The following SAMD5 variants were observed in gnomAD, a reference collection of about 807,000 sequenced individuals.
SAMD5 encodes sterile alpha motif domain containing 5.
In SAMD5, 13 loss-of-function variants were observed where a neutral mutation model predicts 11.3. The ratio of observed to expected loss-of-function variants is 1.15; its 90% CI spans 0.75 to 1.83. The LOEUF (loss-of-function observed/expected upper bound fraction) is 1.83, where lower values mean the gene tolerates loss of function less well. SAMD5 is among the 40% of genes most tolerant of loss of function. The pLI is 0.00. For synonymous variants in SAMD5, 129 were observed against 111.3 expected, an observed-to-expected ratio of 1.16 and a Z score of -1.00; for missense variants, 255 against 239.1, an observed-to-expected ratio of 1.07 and a Z score of -0.44.
At chr6:147,721,522 C>T (rs1327665052) in intron 1 of SAMD5, among the ~76,000 whole-genome samples, 3 of 152,150 alleles carry the variant, frequency 2.0e-5, no homozygotes, top group African/African-American at 7.2e-5. Flanking sequence ...TGTTCATATC[C>T]TTTGCCCACT....
the SAMD5 span, among the ~76,000 whole-genome samples, chr6:147,856,183 G>C: frequency 6.6e-6 from 1 of 152,134 alleles, no homozygotes; most frequent in African/African-American, 2.4e-5. Flanking sequence ...ACAAAGATGT[G>C]AGCATATTGT....
At chr6:147,531,560 T>TA (rs1788430452) in intron 1 of SAMD5, among the ~76,000 whole-genome samples, 1 of 152,328 alleles carries the variant, frequency 6.6e-6, no homozygotes, top group East Asian at 1.9e-4. Context: ...GAATGCTCAC[T>TA]GGGACACATT....
the SAMD5 span, among the ~76,000 whole-genome samples, chr6:147,799,687 CCATCACTTT>C: frequency 6.6e-6 from 1 of 151,142 alleles, no homozygotes; most frequent in Non-Finnish European, 1.5e-5. Context: ...TCCATTCTCC[CCATCACTTT>C]CAGGTACACC....
chr6:147,615,318 T>A (rs1789849394), intron 1 of SAMD5, among the ~76,000 whole-genome samples: 1 of 152,206 alleles, frequency 6.6e-6, no homozygotes, highest in Non-Finnish European at 1.5e-5. Context: ...ATATTTCTGG[T>A]TTTTAAAAGC....
At chr6:147,794,822 A>G in the SAMD5 span, among the ~76,000 whole-genome samples, 3 of 152,146 alleles carry the variant, frequency 2.0e-5, no homozygotes, top group Non-Finnish European at 4.4e-5. Context: ...ACAGGTCATT[A>G]TAGGACTCAC....
chr6:147,909,620 C>CTT, the SAMD5 span, among the ~76,000 whole-genome samples: 224 of 67,334 alleles, frequency 3.3e-3, 19 homozygotes, highest in African/African-American at 0.019. Flanking sequence ...TTCTTTCTTT[C>CTT]TTTCTTTCTT....
the SAMD5 span, among the ~76,000 whole-genome samples, chr6:147,776,124 T>C: frequency 6.6e-6 from 1 of 152,186 alleles, no homozygotes; most frequent in Non-Finnish European, 1.5e-5. Context: ...TTCCTAACCT[T>C]GGGGACCACA....
chr6:147,935,262 T>G, the SAMD5 span, among the ~76,000 whole-genome samples: 1 of 152,168 alleles, frequency 6.6e-6, no homozygotes, highest in African/African-American at 2.4e-5. Context: ...TCAGTCAAAC[T>G]GCAGGACTAG....
intron 1 of SAMD5, among the ~76,000 whole-genome samples, chr6:147,599,154 C>T (rs1419065633): frequency 6.6e-6 from 1 of 152,178 alleles, no homozygotes; most frequent in African/African-American, 2.4e-5. Context: ...AAGGCTAGGA[C>T]TTCTGTGACC....
chr6:147,905,105 C>T, the SAMD5 span, among the ~76,000 whole-genome samples: 15 of 152,112 alleles, frequency 9.9e-5, no homozygotes, highest in African/African-American at 2.7e-4. Context: ...TCAGGCTGGT[C>T]TCGAACTCCC....
chr6:147,809,840 A>G, the SAMD5 span, among the ~76,000 whole-genome samples: 2 of 152,228 alleles, frequency 1.3e-5, no homozygotes, highest in African/African-American at 4.8e-5. Context: ...GCTGGACTCC[A>G]TCCCCCAGGA....
At chr6:147,943,103 G>A in the SAMD5 span, among the ~76,000 whole-genome samples, 1 of 152,138 alleles carries the variant, frequency 6.6e-6, no homozygotes, top group Non-Finnish European at 1.5e-5. Flanking sequence ...TTACAGGTGT[G>A]AGCCACCACT....
the SAMD5 span, among the ~76,000 whole-genome samples, chr6:147,756,410 G>A: frequency 5.9e-5 from 9 of 152,000 alleles, no homozygotes; most frequent in Admixed American, 2.6e-4. Context: ...AATACATTAA[G>A]CATTTTGCAT....
the SAMD5 span, among the ~76,000 whole-genome samples, chr6:147,801,223 G>T: frequency 6.6e-6 from 1 of 152,010 alleles, no homozygotes; most frequent in African/African-American, 2.4e-5. Flanking sequence ...CAGAGAAATG[G>T]TTTTACTTTA....
chr6:147,877,944 T>TTTTTTTTTCTTTTTG, the SAMD5 span, among the ~76,000 whole-genome samples: 588 of 97,546 alleles, frequency 6.0e-3, no homozygotes, highest in Non-Finnish European at 8.7e-3. Context: ...GATAGATAGA[T>TTTTTTTTTCTTTTTG]AGACTCTGTC....
chr6:147,862,927 G>T, the SAMD5 span, among the ~76,000 whole-genome samples: 1 of 152,062 alleles, frequency 6.6e-6, no homozygotes. Flanking sequence ...ACTGCCCATT[G>T]TACTGAATGT....
At chr6:147,539,541 G>A (rs1311260673) in intron 1 of SAMD5, among the ~76,000 whole-genome samples, 1 of 152,250 alleles carries the variant, frequency 6.6e-6, no homozygotes, top group East Asian at 1.9e-4. Flanking sequence ...TTTTGAGAGG[G>A]ATTTATCCGC....
At chr6:147,869,219 G>C in the SAMD5 span, among the ~76,000 whole-genome samples, 1 of 152,218 alleles carries the variant, frequency 6.6e-6, no homozygotes, top group Non-Finnish European at 1.5e-5. Context: ...AATGAGGCAC[G>C]AGTGTGCAGA....
At chr6:147,894,414 A>T in the SAMD5 span, among the ~76,000 whole-genome samples, 1 of 152,180 alleles carries the variant, frequency 6.6e-6, no homozygotes, top group African/African-American at 2.4e-5. Context: ...GAGCCACCAC[A>T]TCCAGCCTAA....
Sources: allele counts gnomAD v4.1 joint callset (sites outside exome capture counted in the v4.1 genomes callset), GRCh38; gene constraint gnomAD v4.1.1; transcripts MANE v1.5; gene names NCBI Gene and HGNC (gene_info 2026-07-23, HGNC 2026-07-21).